NIT2: variants seen among roughly 807,000 people sequenced by gnomAD.
The protein encoded by NIT2 is omega-amidase NIT2.
Under a neutral mutation model 42.7 loss-of-function variants are expected in NIT2, and 46 were observed. That is an observed-to-expected ratio of 1.08 (90% CI 0.85 to 1.38). NIT2 has a LOEUF of 1.38. NIT2 is among the 40% of genes most tolerant of loss of function. The pLI is 0.00. For synonymous variants in NIT2, 123 were observed against 121.9 expected, an observed-to-expected ratio of 1.01 and a Z score of -0.06; for missense variants, 309 against 342.5, an observed-to-expected ratio of 0.90 and a Z score of 0.77.
intron 3 of NIT2, 165 bp downstream of exon 3, chr3:100,340,100 T>G: frequency 3.7e-6 from 2 of 536,662 alleles, no homozygotes; most frequent in Non-Finnish European, 6.4e-6. Context: ...AGGTGAGGTC[T>G]TGCTTTGTCA....
intron 1 of NIT2, among the ~76,000 whole-genome samples, chr3:100,336,706 C>T (rs1318021029): frequency 6.6e-6 from 1 of 152,216 alleles, no homozygotes; most frequent in East Asian, 1.9e-4. Flanking sequence ...CCCTTCCAGC[C>T]CTAAGGCGGT....
At position 100,334,767 on chromosome 3, in the gene NIT2, G is replaced by A. The variant is rs1194209244; in HGVS notation, c.-25G>A. ...GGATCTCCAGCGCTCAGTCCGCGCC[G>A]CAGGTGGTGCTTGTCTGCAGAGTCA... On this transcript the variant is annotated 5_prime_UTR_variant, in exon 1 of 10. Transcript: ENST00000394140. The A allele has an allele frequency of 7.8e-7, 1 of 1,274,028 alleles. No individual in the cohort carries two copies. 78.9% of individuals were successfully genotyped at this position (1,274,028 alleles called of 1,614,324 possible).
intron 2 of NIT2, 126 bp from the exon 3 acceptor site, chr3:100,339,689 T>C (rs926145612): frequency 1.0e-5 from 9 of 878,604 alleles, no homozygotes; most frequent in Non-Finnish European, 1.6e-5. Context: ...GTGTTTTTCT[T>C]ATTAGCTGTG....
At chr3:100,346,942 CTG>C (rs1706223954) in intron 6 of NIT2, among the ~76,000 whole-genome samples, 1 of 152,034 alleles carries the variant, frequency 6.6e-6, no homozygotes, top group Admixed American at 6.6e-5. Flanking sequence ...TGCATGGGCT[CTG>C]GGGTCAGTAG....
intron 4 of NIT2, 76 bp downstream of exon 4, chr3:100,341,237 A>T (rs1706147119): frequency 2.0e-6 from 2 of 975,770 alleles, no homozygotes; most frequent in Admixed American, 1.8e-5. Flanking sequence ...TTTGCTATGA[A>T]GTTCCCTAGT....
chr3:100,342,518 GC>G (rs2148881869), intron 4 of NIT2, among the ~76,000 whole-genome samples: 1 of 146,014 alleles, frequency 6.8e-6, no homozygotes, highest in African/African-American at 2.5e-5. Context: ...ATACATCTTA[GC>G]TTTTTTTTTT....
chr3:100,341,948 CAGG>C (rs1164016830), intron 4 of NIT2, among the ~76,000 whole-genome samples: 1 of 151,960 alleles, frequency 6.6e-6, no homozygotes. Flanking sequence ...GAAGCTGAGA[CAGG>C]AGAATTGCTT....
intron 3 of NIT2, 76 bp downstream of exon 3, chr3:100,340,011 CT>C (rs1033564565): frequency 3.2e-6 from 4 of 1,233,220 alleles, no homozygotes; most frequent in Non-Finnish European, 2.2e-6. Context: ...TGGCGTGCGC[CT>C]GTATTCCCTA....
chr3:100,348,723 C>G (rs1706242329), intron 6 of NIT2, 80 bp from the exon 7 acceptor site: 1 of 1,107,100 alleles, frequency 9.0e-7, no homozygotes, highest in South Asian at 1.3e-5. Flanking sequence ...TCAGTTCCTG[C>G]TAGATAAGGA....
At chr3:100,343,605 G>T (rs559784310) in intron 4 of NIT2, among the ~76,000 whole-genome samples, 1 of 152,184 alleles carries the variant, frequency 6.6e-6, no homozygotes, top group South Asian at 2.1e-4. Flanking sequence ...TTCATTAAAA[G>T]CATATTTTTC....
intron 3 of NIT2, among the ~76,000 whole-genome samples, chr3:100,340,694 G>GA (rs1706139923): frequency 6.6e-6 from 1 of 152,092 alleles, no homozygotes; most frequent in Admixed American, 6.5e-5. Flanking sequence ...TAAGCAATGG[G>GA]AAATTTCTCA....
chr3:100,352,595 G>A, intron 8 of NIT2, 93 bp downstream of exon 8: 1 of 861,742 alleles, frequency 1.2e-6, no homozygotes, highest in Admixed American at 2.0e-5. Context: ...TGAGCAGCCA[G>A]GCGCTCACTT....
chr3:100,352,821 ACT>A (rs992455737), intron 8 of NIT2, among the ~76,000 whole-genome samples: 6 of 152,076 alleles, frequency 3.9e-5, no homozygotes, highest in African/African-American at 1.4e-4. Context: ...GTAGTAAGAG[ACT>A]CTGAAATTTT....
intron 4 of NIT2, among the ~76,000 whole-genome samples, chr3:100,342,600 T>A (rs183239914): frequency 8.7e-4 from 133 of 152,128 alleles, no homozygotes; most frequent in Non-Finnish European, 1.6e-3. Flanking sequence ...GAGTTCATAT[T>A]ATATCATTTC....
At chr3:100,353,919 G>C (rs1432736441) in intron 8 of NIT2, among the ~76,000 whole-genome samples, 5 of 152,068 alleles carry the variant, frequency 3.3e-5, no homozygotes, top group Non-Finnish European at 7.4e-5. Context: ...GAGATTACAG[G>C]TGCACACCAC....
intron 6 of NIT2, among the ~76,000 whole-genome samples, 198 bp downstream of exon 6, chr3:100,346,453 A>G (rs776444562): frequency 2.0e-5 from 3 of 152,150 alleles, no homozygotes; most frequent in Non-Finnish European, 4.4e-5. Context: ...AATTAAACAC[A>G]TCATGTAGCT....
chr3:100,339,016 A>C (rs1251175565), intron 1 of NIT2, 71 bp from the exon 2 acceptor site: 4 of 1,079,710 alleles, frequency 3.7e-6, no homozygotes, highest in Non-Finnish European at 5.8e-6. Context: ...CTTCCATTTG[A>C]GAACTATGGC....
intron 7 of NIT2, among the ~76,000 whole-genome samples, chr3:100,352,045 C>T (rs563552873): frequency 5.5e-4 from 83 of 152,228 alleles, no homozygotes; most frequent in Non-Finnish European, 1.0e-3. Flanking sequence ...AAATGCAAAT[C>T]AAAACCACAA....
intron 3 of NIT2, 64 bp from the exon 4 acceptor site, chr3:100,341,009 C>A: frequency 9.3e-7 from 1 of 1,073,648 alleles, no homozygotes. Context: ...AGGCTTTTAT[C>A]CCTTTCTCAC....
Sources: allele counts gnomAD v4.1 joint callset (sites outside exome capture counted in the v4.1 genomes callset), GRCh38; gene constraint gnomAD v4.1.1; transcripts MANE v1.5; gene names NCBI Gene and HGNC (gene_info 2026-07-23, HGNC 2026-07-21).